NOMO1: variants seen among roughly 807,000 people sequenced by gnomAD.
NOMO1 encodes the protein NODAL modulator 1.
NOMO1 carries 40 observed loss-of-function variants against 133.8 expected under a neutral mutation model. That is an observed-to-expected ratio of 0.30 (90% CI 0.23 to 0.39). NOMO1 has a LOEUF of 0.39. Among genes scored for constraint, NOMO1 ranks in the 10% least tolerant of loss-of-function variants. The pLI, the probability that NOMO1 is intolerant of heterozygous loss-of-function variation, is 1.00. For synonymous variants in NOMO1, 236 were observed against 570.5 expected, an observed-to-expected ratio of 0.41 and a Z score of 8.36; for missense variants, 462 against 1,419.9, an observed-to-expected ratio of 0.33 and a Z score of 10.84.
chr16:14,864,674 T>C lies in NOMO1; in HGVS notation c.1485T>C (p.Asp495=), dbSNP rs78228148. ...CTGTGACCAACAGGCCCATGATGGA[T>C]GTGGCCTTTGTACAGTTCTTGGCAT... The part of the protein sequence containing the change: ...PLTVTNRPMM[D]VAFVQFLASV... The change falls in exon 13 of 31, where the codon GAT becomes GAC. Residue 495 remains aspartate (D), a synonymous_variant. Coordinates refer to ENST00000287667, the MANE Select transcript of NOMO1 (RefSeq NM_014287.4). The C allele has an allele frequency of 5.4e-4, 878 of 1,613,010 alleles. 37 individuals carry two copies. In the African/African-American group the frequency reaches 0.011, roughly 20 times the overall value.
intron 23 of NOMO1, 63 bp downstream of exon 23, chr16:14,878,897 G>T (rs1327181992): frequency 6.3e-7 from 1 of 1,598,818 alleles, no homozygotes; most frequent in Non-Finnish European, 8.6e-7. Context: ...GATGCAGCAT[G>T]CGAGACTTAC....
At position 14,866,707 on chromosome 16, in the gene NOMO1, T is replaced by G. The variant is rs146403442; in HGVS notation, c.1806+16T>G. On this transcript the variant is annotated intron_variant, in intron 15 of 30. Transcript: ENST00000287667. ...CATCACTCTGGTATGTACGGCTTAT[T>G]GAGTCTCTTATTTGGAAAAGCGCTC... 5,941 of 1,598,800 alleles carry G rather than the reference T, an allele frequency of 3.7e-3. 191 individuals carry two copies. The highest frequency in any genetic ancestry group is 0.02 in the East Asian group (888 of 44,202).
chr16:14,885,606 G>A (rs892429312), intron 27 of NOMO1, among the ~76,000 whole-genome samples: 12 of 151,380 alleles, frequency 7.9e-5, no homozygotes, highest in Non-Finnish European at 1.8e-4. Context: ...GCTTGCAGGC[G>A]TGTGCTTGTA....
chr16:14,884,594 G>A, intron 27 of NOMO1, 112 bp downstream of exon 27: 2 of 1,543,342 alleles, frequency 1.3e-6, no homozygotes, highest in Non-Finnish European at 1.8e-6. Flanking sequence ...GTGACAGGTG[G>A]AGGTGCTCCA....
rs553410776 is a variant in NOMO1, at chr16:14,845,477, T to C, written c.402+703T>C. Among the ~76,000 whole-genome samples, 109 of 152,198 alleles carry C rather than the reference T, an allele frequency of 7.2e-4. 2 individuals are homozygous for C. In the Middle Eastern group the frequency reaches 0.01, roughly 14 times the overall value. On this transcript the variant is annotated intron_variant, in intron 4 of 30. Coordinates refer to ENST00000287667, the MANE Select transcript of NOMO1 (RefSeq NM_014287.4). Reference sequence around the variant, plus strand: ...CCCAGAGAGAGCATGCATCTGCTTCTGACACTTACCTAGGAGGATTCCTAT... The same window carrying C: ...CCCAGAGAGAGCATGCATCTGCTTCCGACACTTACCTAGGAGGATTCCTAT...
Position 14,880,033 on chromosome 16 carries a change from T to C in NOMO1, c.2776T>C (p.Phe926Leu). The C allele has an allele frequency of 6.2e-7, 1 of 1,611,472 alleles. No individual in the cohort carries two copies. Among genetic ancestry groups the C allele is most frequent in the South Asian group, 1.1e-5 (1 of 90,950 alleles). ...TTGGTAGAGCCCTGGCCAGTATTAC[T>C]TCAAACCCATGATGAAGGAGTTCCG... Reference protein sequence around the residue: ...FSNLSPGQYYFKPMMKEFRFE... With the variant: ...FSNLSPGQYYLKPMMKEFRFE... Residue 926 changes from phenylalanine to leucine, a missense_variant, in exon 24 of 31, where the codon TTC becomes CTC. Phe to Leu is a conservative substitution (Grantham distance 22, BLOSUM62 0). Coordinates refer to ENST00000287667, the MANE Select transcript of NOMO1 (RefSeq NM_014287.4).
rs1964141963 is a variant in NOMO1 at position 14,875,335 on chromosome 16, T to C, written c.2274-5T>C. 5.6e-6 allele frequency: 9 copies of C among 1,601,628 alleles called. No individual in the cohort carries two copies. The East Asian group carries it at 2.0e-4, about 36-fold the overall frequency. On this transcript the variant is annotated splice_region_variant and splice_polypyrimidine_tract_variant and intron_variant, in intron 19 of 30. Coordinates refer to ENST00000287667, the MANE Select transcript of NOMO1 (RefSeq NM_014287.4). The stretch of plus-strand genomic sequence containing the variant: ...CGCCAAACTGAAGTATATTAATTAT[T>C]TTAGGTCTGGAGAGAAAATCACTGT...
intron 18 of NOMO1, among the ~76,000 whole-genome samples, chr16:14,874,551 A>G (rs1363532060): frequency 6.6e-6 from 1 of 151,844 alleles, no homozygotes; most frequent in Non-Finnish European, 1.5e-5. Context: ...GTCTTCCCAC[A>G]CTGCTTTATT....
chr16:14,874,768 A>G (rs1309044290), intron 18 of NOMO1, among the ~76,000 whole-genome samples: 2 of 152,000 alleles, frequency 1.3e-5, no homozygotes, highest in African/African-American at 2.4e-5. Context: ...CATGTCCTAC[A>G]TGGAAGCTAC....
At chr16:14,846,087 C>T (rs868643296) in intron 4 of NOMO1, among the ~76,000 whole-genome samples, 3 of 134,060 alleles carry the variant, frequency 2.2e-5, no homozygotes, top group African/African-American at 5.7e-5. Flanking sequence ...AGTGCAGTGG[C>T]GCGATTGCAG....
intron 11 of NOMO1, among the ~76,000 whole-genome samples, chr16:14,860,690 G>A (rs946924179): frequency 2.6e-5 from 4 of 151,946 alleles, no homozygotes; most frequent in Middle Eastern, 3.2e-3. Context: ...CGCTGTTCAC[G>A]GAGATGGAGG....
chr16:14,892,382 G>A (rs1964417699), intron 29 of NOMO1, among the ~76,000 whole-genome samples: 3 of 151,678 alleles, frequency 2.0e-5, no homozygotes, highest in Admixed American at 2.0e-4. Context: ...CATTCTCAGG[G>A]GCCCCTAGCA....
chr16:14,876,739 A>G lies in NOMO1; in HGVS notation c.2592A>G (p.Glu864=), dbSNP rs768061064. 1.7e-5 allele frequency: 28 copies of G among 1,610,810 alleles called. 1 individual carries two copies. The African/African-American group carries it at 2.8e-4, about 16-fold the overall frequency. Residue 864 remains glutamate (E), a synonymous_variant, in exon 22 of 31, where the codon GAA becomes GAG. Transcript: ENST00000287667. The part of the protein sequence containing the change: ...QKEGYVLTAV[E]GTIGDFKAYA... ...AGGGCTATGTTCTGACTGCGGTGGA[A>G]GGAACCATCGGAGACTTCAAGGCCT...
chr16:14,874,953 G>A (rs957581756), intron 18 of NOMO1, 83 bp from the exon 19 acceptor site: 20 of 1,525,632 alleles, frequency 1.3e-5, no homozygotes, highest in African/African-American at 9.7e-5. Flanking sequence ...TTTGTAACTC[G>A]CAAGTCCATA....
intron 27 of NOMO1, among the ~76,000 whole-genome samples, chr16:14,884,707 T>A (rs1408522624): frequency 1.3e-5 from 2 of 151,852 alleles, no homozygotes; most frequent in Non-Finnish European, 2.9e-5. Context: ...GTGGTCCAGT[T>A]TCAGATAACT....
At chr16:14,855,506 T>G (rs551040782) in intron 9 of NOMO1, among the ~76,000 whole-genome samples, 1 of 151,840 alleles carries the variant, frequency 6.6e-6, no homozygotes, top group African/African-American at 2.4e-5. Context: ...TTAAAATCGC[T>G]TAAACTGGCA....
At chr16:14,892,610 A>T (rs1336414430) in intron 29 of NOMO1, among the ~76,000 whole-genome samples, 21 of 117,638 alleles carry the variant, frequency 1.8e-4, no homozygotes, top group African/African-American at 4.9e-4. Flanking sequence ...AAGTATAATT[A>T]AAAAAAAAAA....
rs1327184983 is a variant in NOMO1, at chr16:14,889,737, A to AT, written c.3444+524dup. 2.0e-5 allele frequency among the ~76,000 whole-genome samples: 3 copies of AT among 150,316 alleles called. No homozygotes were observed. The East Asian group carries it at 6.0e-4, about 30-fold the overall frequency. The stretch of plus-strand genomic sequence containing the variant: ...GCTTTTCTGAGCACTGATGCCTGCG[A>AT]TTCCCTTTGAGGAGGAAACTGGTAA... On this transcript the variant is annotated intron_variant, in intron 29 of 30. Transcript: ENST00000287667.
intron 16 of NOMO1, among the ~76,000 whole-genome samples, chr16:14,870,934 A>ATT (rs537303449): frequency 9.0e-5 from 13 of 144,168 alleles, no homozygotes; most frequent in South Asian, 8.9e-4. Flanking sequence ...GAGAAACCTG[A>ATT]TTTTTTTTTT....
Sources: allele counts gnomAD v4.1 joint callset (sites outside exome capture counted in the v4.1 genomes callset), GRCh38; gene constraint gnomAD v4.1.1; transcripts MANE v1.5; gene names NCBI Gene and HGNC (gene_info 2026-07-23, HGNC 2026-07-21).